Variants in BCL2L15 observed in about 807,000 individuals in gnomAD.
BCL2L15 encodes the protein BCL2 like 15, also known as bcl-2-like protein 15.
Under a neutral mutation model 18.3 loss-of-function variants are expected in BCL2L15, and 15 were observed. That is an observed-to-expected ratio of 0.82 (90% CI 0.55 to 1.26). The LOEUF (loss-of-function observed/expected upper bound fraction) is 1.26. BCL2L15 is among the 50% of genes most tolerant of loss of function. The pLI is 0.00. For synonymous variants in BCL2L15, 58 were observed against 68.5 expected (o/e 0.85, Z 0.76); for missense variants, 180 against 201.7 (o/e 0.89, Z 0.65).
chr1:113,880,857 T>A lies in BCL2L15; in HGVS notation c.*266A>T. On this transcript the variant is annotated 3_prime_UTR_variant, in exon 4 of 4. Coordinates refer to ENST00000393316, the MANE Select transcript of BCL2L15 (RefSeq NM_001010922.3). ...GGGTCTTTGCTTCAACAGAACCTCATTAAAACTCATGTGAAAACAGAAAGT... is the reference window on the plus strand; with the variant it reads ...GGGTCTTTGCTTCAACAGAACCTCAATAAAACTCATGTGAAAACAGAAAGT... 1 of 522,822 alleles carries A rather than the reference T, an allele frequency of 1.9e-6. No homozygotes were observed. The highest frequency in any genetic ancestry group is 2.3e-5 in the South Asian group (1 of 43,744). 32.4% of individuals were successfully genotyped at this position (522,822 alleles called of 1,614,324 possible).
At position 113,877,644 on chromosome 1, in the gene BCL2L15, A is replaced by G. The variant is rs140904337; in HGVS notation, c.*3479T>C. ...TGAATGATACCATATCTAAAAATGA[A>G]TCAAAATAATAGACAAAGAAACCAC... On this transcript the variant is annotated 3_prime_UTR_variant, in exon 4 of 4. Transcript: ENST00000393316. Among the ~76,000 whole-genome samples the G allele has an allele frequency of 1.1e-3, 171 of 152,364 alleles. No individual in the cohort carries two copies. Among genetic ancestry groups the G allele is most frequent in the African/African-American group, 3.9e-3 (161 of 41,588 alleles).
chr1:113,886,207 C>T (rs1341220963), intron 2 of BCL2L15, among the ~76,000 whole-genome samples: 1 of 117,170 alleles, frequency 8.5e-6, no homozygotes, highest in Non-Finnish European at 1.7e-5. Flanking sequence ...CACAGTAAGA[C>T]CCTGTCTGAA....
chr1:113,887,418 C>T lies in BCL2L15; in HGVS notation c.-43G>A. The T allele has an allele frequency of 2.5e-6, 4 of 1,612,516 alleles. No individual in the cohort carries two copies. The highest frequency in any genetic ancestry group is 3.4e-6 in the Non-Finnish European group (4 of 1,178,954). On this transcript the variant is annotated 5_prime_UTR_variant, in exon 1 of 4. Coordinates refer to ENST00000393316, the MANE Select transcript of BCL2L15 (RefSeq NM_001010922.3). ...AAGTTTTGCTTTTCCACGAAACAAG[C>T]AGTTTTCAGCCCAGCAGGAAGTTAA...
chr1:113,886,955 T>C (rs1049937665), intron 1 of BCL2L15, among the ~76,000 whole-genome samples: 1 of 151,642 alleles, frequency 6.6e-6, no homozygotes, highest in African/African-American at 2.4e-5. Context: ...TGGAGTGCAG[T>C]GGCGTGATCT....
At chr1:113,883,307 C>A (rs905750349) in intron 2 of BCL2L15, among the ~76,000 whole-genome samples, 9 of 151,990 alleles carry the variant, frequency 5.9e-5, no homozygotes, top group Non-Finnish European at 1.3e-4. Context: ...ATAGTGAAAC[C>A]CCGTCTCTAC....
In BCL2L15 at chr1:113,877,325, T is replaced by A. The variant is rs1160182745; in HGVS notation, c.*3798A>T. 6.7e-6 allele frequency among the ~76,000 whole-genome samples: 1 copy of A among 149,604 alleles called. No homozygotes were observed. Among genetic ancestry groups the A allele is most frequent in the African/African-American group, 2.4e-5 (1 of 40,880 alleles). On this transcript the variant is annotated 3_prime_UTR_variant, in exon 4 of 4. Coordinates refer to ENST00000393316, the MANE Select transcript of BCL2L15 (RefSeq NM_001010922.3). ...GAACAGTAGGGAGCAGCTGAAGGTT[T>A]TTTTTTTTTTTTTAAAAAAAACAAC... is the stretch of plus-strand genomic sequence containing the variant.
chr1:113,883,476 C>T (rs556027175), intron 2 of BCL2L15, among the ~76,000 whole-genome samples: 69 of 127,522 alleles, frequency 5.4e-4, no homozygotes, highest in African/African-American at 2.4e-3. Flanking sequence ...CGCAAGACTC[C>T]GTCTCAAAAA....
chr1:113,881,627 G>C, intron 3 of BCL2L15, 146 bp downstream of exon 3: 6 of 1,437,318 alleles, frequency 4.2e-6, no homozygotes, highest in Non-Finnish European at 5.5e-6. Context: ...TCCATGGCAA[G>C]AAAATCTAGG....
At position 113,881,770 on chromosome 1, in the gene BCL2L15, T is replaced by C. The variant is rs1666883679; in HGVS notation, c.474+3A>G. ...GCAAAACCAGGAGCCCCAACAAACT[T>C]ACCCAACCTCCCTGGCCCTGGATGA... On this transcript the variant is annotated splice_donor_region_variant and intron_variant, in intron 3 of 3. Transcript: ENST00000393316. 2 of 1,612,772 alleles carry C rather than the reference T, an allele frequency of 1.2e-6. No individual in the cohort carries two copies. Among genetic ancestry groups the C allele is most frequent in the African/African-American group, 2.7e-5 (2 of 75,032 alleles).
intron 2 of BCL2L15, among the ~76,000 whole-genome samples, chr1:113,883,345 G>A (rs1415060263): frequency 6.6e-6 from 1 of 152,028 alleles, no homozygotes; most frequent in Non-Finnish European, 1.5e-5. Context: ...AGCTGGGTGT[G>A]GTGGTATGCA....
chr1:113,884,470 T>G (rs1666971386), intron 2 of BCL2L15, among the ~76,000 whole-genome samples: 1 of 152,228 alleles, frequency 6.6e-6, no homozygotes, highest in Non-Finnish European at 1.5e-5. Flanking sequence ...CTACAACTTT[T>G]TACTATAAAT....
At position 113,883,779 on chromosome 1, in the gene BCL2L15, G is replaced by A. The variant is rs137881244; in HGVS notation, c.250-1782C>T. On this transcript the variant is annotated intron_variant, in intron 2 of 3. Coordinates refer to ENST00000393316, the MANE Select transcript of BCL2L15 (RefSeq NM_001010922.3). Reference sequence around the variant, plus strand: ...AGCCTGGACAACAGAGTGAGACCCCGTCTCAAAAAATAAAAGAAACCAGAG... The same window carrying A: ...AGCCTGGACAACAGAGTGAGACCCCATCTCAAAAAATAAAAGAAACCAGAG... Among the ~76,000 whole-genome samples the A allele has an allele frequency of 6.1e-3, 923 of 152,154 alleles. 14 individuals carry two copies. Among genetic ancestry groups the A allele is most frequent in the African/African-American group, 0.021 (869 of 41,496 alleles).
At position 113,881,753 on chromosome 1, in the gene BCL2L15, AG is replaced by A; in HGVS notation, c.474+19del. The A allele has an allele frequency of 6.2e-7, 1 of 1,609,782 alleles. No homozygotes were observed. Among genetic ancestry groups the A allele is most frequent in the Non-Finnish European group, 8.5e-7 (1 of 1,177,078 alleles). On this transcript the variant is annotated intron_variant, in intron 3 of 3. Transcript: ENST00000393316. ...AACAGTGCAAATACCTAGCAAAACC[AG>A]GAGCCCCAACAAACTTACCCAACCT...
Position 113,882,014 on chromosome 1 carries a change from G to C in BCL2L15, c.250-17C>G. The C allele has an allele frequency of 6.2e-7, 1 of 1,605,576 alleles. No individual in the cohort carries two copies. The highest frequency in any genetic ancestry group is 1.1e-5 in the South Asian group (1 of 90,392). Reference sequence around the variant, plus strand: ...AGCTCCTGTCTGAGGAAAGACAAAGGAAACATCAACAGAGTATCACTCAAA... The same window carrying C: ...AGCTCCTGTCTGAGGAAAGACAAAGCAAACATCAACAGAGTATCACTCAAA... On this transcript the variant is annotated splice_polypyrimidine_tract_variant and intron_variant, in intron 2 of 3. Transcript: ENST00000393316.
At position 113,887,245 on chromosome 1, in the gene BCL2L15, T is replaced by C. The variant is rs1667064571; in HGVS notation, c.127+4A>G. The C allele has an allele frequency of 6.2e-7, 1 of 1,613,542 alleles. No individual in the cohort carries two copies. The highest frequency in any genetic ancestry group is 8.5e-7 in the Non-Finnish European group (1 of 1,179,674). ...GCAATCACCGCCTAGGGCAGGAACC[T>C]TACCTGAATCTACTTCATCTACACA... On this transcript the variant is annotated splice_donor_region_variant and intron_variant, in intron 1 of 3. Transcript: ENST00000393316.
intron 3 of BCL2L15, 167 bp downstream of exon 3, chr1:113,881,606 T>C: frequency 7.0e-7 from 1 of 1,433,220 alleles, no homozygotes; most frequent in African/African-American, 1.4e-5. Context: ...AGCTTCTGTC[T>C]GCTCCATTTT....
rs986398980 is a variant in BCL2L15 at position 113,887,299 on chromosome 1, G to A, written c.77C>T (p.Thr26Ile). The change falls in exon 1 of 4, where the codon ACA becomes ATA. Residue 26 changes from threonine (T) to isoleucine (I), a missense_variant. Coordinates refer to ENST00000393316, the MANE Select transcript of BCL2L15 (RefSeq NM_001010922.3). ...TAGGTTCCGGCTGGCAACCTGCAATGTTGGGCTCAAGAAGTCCATGAGTAG... is the reference window on the plus strand; with the variant it reads ...TAGGTTCCGGCTGGCAACCTGCAATATTGGGCTCAAGAAGTCCATGAGTAG... ...NTLLMDFLSP[T>I]LQVASRNLCC... The A allele has an allele frequency of 1.2e-6, 2 of 1,614,078 alleles. No homozygotes were observed. The highest frequency in any genetic ancestry group is 3.3e-5 in the Admixed American group (2 of 60,014).
chr1:113,883,514 C>G (rs1571512154), intron 2 of BCL2L15, among the ~76,000 whole-genome samples: 2 of 151,520 alleles, frequency 1.3e-5, no homozygotes, highest in South Asian at 4.2e-4. Flanking sequence ...TGGCTCACAC[C>G]TGTAATCCTA....
intron 2 of BCL2L15, among the ~76,000 whole-genome samples, chr1:113,885,368 G>A (rs949680736): frequency 6.6e-6 from 1 of 152,186 alleles, no homozygotes; most frequent in Non-Finnish European, 1.5e-5. Context: ...TGAACATAGT[G>A]TAGGCACACT....
Sources: allele counts gnomAD v4.1 joint callset (sites outside exome capture counted in the v4.1 genomes callset), GRCh38; gene constraint gnomAD v4.1.1; transcripts MANE v1.5; gene names NCBI Gene and HGNC (gene_info 2026-07-23, HGNC 2026-07-21).